The following RNGTT variants were observed in gnomAD, a reference collection of about 807,000 sequenced individuals.
The protein encoded by RNGTT is RNA guanylyltransferase and 5'-phosphatase.
RNGTT carries 33 observed loss-of-function variants against 79.3 expected under a neutral mutation model. The observed-to-expected ratio is 0.42, with a 90% CI of 0.32 to 0.56. RNGTT has a LOEUF of 0.56. Among genes scored for constraint, RNGTT ranks in the 20% least tolerant of loss-of-function variants. The probability of loss-of-function intolerance (pLI) is 0.17; values close to 1 mark genes in which losing one functional copy is unlikely to be tolerated. For synonymous variants in RNGTT, 222 were observed against 235.9 expected (o/e 0.94, Z 0.54); for missense variants, 497 against 739.1 (o/e 0.67, Z 3.80).
At chr6:88,931,793 A>G (rs1249559540) in intron 2 of RNGTT, among the ~76,000 whole-genome samples, 1 of 152,152 alleles carries the variant, frequency 6.6e-6, no homozygotes, top group Non-Finnish European at 1.5e-5. Context: ...AAGAATATAA[A>G]TTGTAAAATT....
At chr6:88,714,319 A>G (rs1776424496) in intron 13 of RNGTT, 1 of 152,274 alleles carries the variant, frequency 6.6e-6, no homozygotes, top group Non-Finnish European at 1.5e-5. Context: ...GAAGCAAGAC[A>G]TGAGGCCAAG....
intron 2 of RNGTT, among the ~76,000 whole-genome samples, chr6:88,931,234 T>G (rs1046953951): frequency 7.3e-6 from 1 of 136,890 alleles, no homozygotes; most frequent in Admixed American, 7.3e-5. Flanking sequence ...TATGTGCTAA[T>G]ATATGAAGAT....
intron 9 of RNGTT, among the ~76,000 whole-genome samples, chr6:88,853,136 T>A (rs958288024): frequency 2.0e-5 from 3 of 152,360 alleles, no homozygotes; most frequent in Admixed American, 2.0e-4. Context: ...AAAGATTCAG[T>A]TGGCAGATCT....
chr6:88,827,149 A>AT (rs1377028473), intron 11 of RNGTT, among the ~76,000 whole-genome samples: 1 of 152,024 alleles, frequency 6.6e-6, no homozygotes, highest in African/African-American at 2.4e-5. Flanking sequence ...AGCGAGATCA[A>AT]TGCAGAAGGC....
At chr6:88,861,532 A>C (rs1183938118) in intron 8 of RNGTT, among the ~76,000 whole-genome samples, 1 of 152,066 alleles carries the variant, frequency 6.6e-6, no homozygotes, top group Non-Finnish European at 1.5e-5. Context: ...TGTTTCTTTC[A>C]ACTCTTTTTT....
chr6:88,683,131 C>A (rs1249145068), intron 13 of RNGTT, among the ~76,000 whole-genome samples: 2 of 151,864 alleles, frequency 1.3e-5, no homozygotes, highest in Non-Finnish European at 2.9e-5. Flanking sequence ...AAAGAGATAA[C>A]AATTAGCAGA....
chr6:88,618,855 T>C (rs1772335272), intron 14 of RNGTT, among the ~76,000 whole-genome samples: 1 of 152,226 alleles, frequency 6.6e-6, no homozygotes, highest in Non-Finnish European at 1.5e-5. Context: ...TCTGTAACTC[T>C]TGCCTGAGCA....
chr6:88,625,926 T>C (rs1772613091), intron 14 of RNGTT, among the ~76,000 whole-genome samples: 1 of 151,930 alleles, frequency 6.6e-6, no homozygotes, highest in Admixed American at 6.6e-5. Flanking sequence ...TATCTATCAT[T>C]GTAAGTTATT....
rs115336746 is a variant in RNGTT at position 88,937,260 on chromosome 6, C to T, written c.174+3811G>A. ...ACTCAGGAGGCTGAAGTAGAAGAATCACTTGAACCTGGGAGTGGAGGTCAC... is the reference window on the plus strand; with the variant it reads ...ACTCAGGAGGCTGAAGTAGAAGAATTACTTGAACCTGGGAGTGGAGGTCAC... On this transcript the variant is annotated intron_variant, in intron 2 of 15. Transcript: ENST00000369485. 7.7e-3 allele frequency among the ~76,000 whole-genome samples: 1,176 copies of T among 152,160 alleles called. 9 individuals are homozygous for T. The highest frequency in any genetic ancestry group is 0.026 in the African/African-American group (1,087 of 41,488).
intron 8 of RNGTT, among the ~76,000 whole-genome samples, chr6:88,864,875 C>G (rs1782120198): frequency 6.6e-6 from 1 of 151,980 alleles, no homozygotes; most frequent in Admixed American, 6.6e-5. Flanking sequence ...CTATGAAGTA[C>G]CTAGAGTAAT....
intron 1 of RNGTT, among the ~76,000 whole-genome samples, chr6:88,944,807 C>T (rs1437609951): frequency 2.0e-5 from 3 of 152,182 alleles, no homozygotes; most frequent in South Asian, 2.1e-4. Context: ...AGTTTTTGAG[C>T]TCCCATTCAA....
intron 13 of RNGTT, among the ~76,000 whole-genome samples, chr6:88,760,851 T>C (rs1017291296): frequency 5.3e-5 from 8 of 151,392 alleles, no homozygotes; most frequent in Admixed American, 1.3e-4. Flanking sequence ...GTAACACTAA[T>C]TCAAATAAGC....
At chr6:88,943,505 G>C (rs1784914113) in intron 1 of RNGTT, among the ~76,000 whole-genome samples, 2 of 151,834 alleles carry the variant, frequency 1.3e-5, no homozygotes, top group South Asian at 4.2e-4. Context: ...CAGATATATA[G>C]TGGGTATGTA....
At chr6:88,725,288 C>T (rs949823669) in intron 13 of RNGTT, among the ~76,000 whole-genome samples, 31 of 152,200 alleles carry the variant, frequency 2.0e-4, no homozygotes, top group African/African-American at 7.5e-4. Flanking sequence ...AGAAACTGGC[C>T]AGAAACCTAG....
chr6:88,932,382 T>TA (rs1320826638), intron 2 of RNGTT, among the ~76,000 whole-genome samples: 6 of 152,200 alleles, frequency 3.9e-5, no homozygotes, highest in Admixed American at 3.3e-4. Flanking sequence ...CCTGACCTTG[T>TA]GATCTCACCC....
intron 14 of RNGTT, among the ~76,000 whole-genome samples, chr6:88,674,849 T>G (rs1290998955): frequency 6.6e-6 from 1 of 151,908 alleles, no homozygotes; most frequent in Admixed American, 6.6e-5. Context: ...GTAATCCCAG[T>G]ACTGTGGGAG....
chr6:88,899,556 G>A (rs1319992945), intron 6 of RNGTT, among the ~76,000 whole-genome samples: 1 of 152,054 alleles, frequency 6.6e-6, no homozygotes, highest in African/African-American at 2.4e-5. Flanking sequence ...GAGATTACAG[G>A]TGTGAGCAAC....
chr6:88,634,914 T>C (rs1331019795), intron 14 of RNGTT, among the ~76,000 whole-genome samples: 3 of 152,078 alleles, frequency 2.0e-5, no homozygotes, highest in African/African-American at 7.2e-5. Flanking sequence ...TTATTATTAA[T>C]AGTTCTTTCT....
rs185467204 is a variant in RNGTT at position 88,710,461 on chromosome 6, C to T, written c.1440-32042G>A. Among the ~76,000 whole-genome samples the T allele has an allele frequency of 3.9e-5, 6 of 152,290 alleles. No individual in the cohort carries two copies. In the East Asian group the frequency reaches 9.6e-4, roughly 24 times the overall value. On this transcript the variant is annotated intron_variant, in intron 13 of 15. Coordinates refer to ENST00000369485, the MANE Select transcript of RNGTT (RefSeq NM_003800.5). ...TATAACAATTTAAAAATGATATCTGCATTAAAATGGTTATTTATTAGACAT... is the reference window on the plus strand; with the variant it reads ...TATAACAATTTAAAAATGATATCTGTATTAAAATGGTTATTTATTAGACAT...
Sources: allele counts gnomAD v4.1 joint callset (sites outside exome capture counted in the v4.1 genomes callset), GRCh38; gene constraint gnomAD v4.1.1; transcripts MANE v1.5; gene names NCBI Gene and HGNC (gene_info 2026-07-23, HGNC 2026-07-21).